NCAM2: variants seen among roughly 807,000 people sequenced by gnomAD.
NCAM2 encodes neural cell adhesion molecule 2.
Under a neutral mutation model 98.1 loss-of-function variants are expected in NCAM2, and 30 were observed. That is an observed-to-expected ratio of 0.31 (90% CI 0.23 to 0.41). The LOEUF (loss-of-function observed/expected upper bound fraction) is 0.41. Ranked by LOEUF, NCAM2 falls within the 10% of genes least tolerant of loss-of-function variation. NCAM2 has a pLI of 1.00. For missense variants in NCAM2, 867 were observed against 1,005.8 expected (o/e 0.86, Z 1.87); for synonymous variants, 368 against 342.4 (o/e 1.07, Z -0.83).
At chr21:21,262,227 C>A (rs1050532762) in intron 1 of NCAM2, among the ~76,000 whole-genome samples, 1 of 152,044 alleles carries the variant, frequency 6.6e-6, no homozygotes, top group African/African-American at 2.4e-5. Context: ...AATCCACCAA[C>A]CACAGGAAGC....
chr21:21,002,956 A>G (rs1483248271), intron 1 of NCAM2, among the ~76,000 whole-genome samples: 1 of 152,148 alleles, frequency 6.6e-6, no homozygotes, highest in African/African-American at 2.4e-5. Flanking sequence ...TTAAGATGCA[A>G]CCAGTGCTTT....
chr21:21,117,388 C>T (rs1485517482), intron 1 of NCAM2, among the ~76,000 whole-genome samples: 1 of 152,130 alleles, frequency 6.6e-6, no homozygotes, highest in Non-Finnish European at 1.5e-5. Flanking sequence ...CCAGCATTTC[C>T]ATCTCTTGGT....
chr21:21,328,065 A>C (rs529650093), intron 6 of NCAM2, among the ~76,000 whole-genome samples: 1 of 152,142 alleles, frequency 6.6e-6, no homozygotes, highest in African/African-American at 2.4e-5. Flanking sequence ...ACCCCACTTA[A>C]TCATGATACA....
intron 1 of NCAM2, among the ~76,000 whole-genome samples, chr21:21,026,458 A>C (rs1434219996): frequency 1.3e-5 from 2 of 151,988 alleles, no homozygotes; most frequent in East Asian, 3.9e-4. Flanking sequence ...CGGGAGTTCG[A>C]GACTAAAAAT....
chr21:21,218,690 A>G (rs963722417), intron 1 of NCAM2, among the ~76,000 whole-genome samples: 3 of 152,194 alleles, frequency 2.0e-5, no homozygotes, highest in African/African-American at 7.2e-5. Flanking sequence ...TGGAAAAGGC[A>G]ATAAGTGAAA....
intron 1 of NCAM2, among the ~76,000 whole-genome samples, chr21:21,065,650 C>T (rs1416309947): frequency 6.6e-6 from 1 of 152,060 alleles, no homozygotes; most frequent in Non-Finnish European, 1.5e-5. Flanking sequence ...AGTCCCAATT[C>T]ATTGAGGATG....
chr21:21,265,220 TTA>T (rs2072183342), intron 1 of NCAM2, among the ~76,000 whole-genome samples: 1 of 126,556 alleles, frequency 7.9e-6, no homozygotes, highest in South Asian at 2.4e-4. Flanking sequence ...ATATAGTATA[TTA>T]TATTATATAT....
At chr21:21,275,274 A>C (rs1487446768) in intron 1 of NCAM2, among the ~76,000 whole-genome samples, 1 of 151,660 alleles carries the variant, frequency 6.6e-6, no homozygotes, top group Non-Finnish European at 1.5e-5. Flanking sequence ...CCCCATCTCT[A>C]CTAAAAATAC....
chr21:21,066,464 C>A (rs887665777), intron 1 of NCAM2, among the ~76,000 whole-genome samples: 1 of 151,816 alleles, frequency 6.6e-6, no homozygotes, highest in African/African-American at 2.4e-5. Context: ...TAATTCAAAC[C>A]GTAATTGTTT....
intron 1 of NCAM2, among the ~76,000 whole-genome samples, chr21:21,097,217 G>T (rs1312692573): frequency 6.6e-6 from 1 of 151,754 alleles, no homozygotes; most frequent in East Asian, 1.9e-4. Flanking sequence ...CTATGAAGAA[G>T]TGAGGTGATT....
chr21:21,467,925 C>A (rs1434372687), intron 13 of NCAM2, among the ~76,000 whole-genome samples: 1 of 152,008 alleles, frequency 6.6e-6, no homozygotes, highest in East Asian at 1.9e-4. Context: ...GAAGAAATAA[C>A]AGGTCATGCC....
chr21:21,070,163 A>T (rs2065529938), intron 1 of NCAM2, among the ~76,000 whole-genome samples: 1 of 152,180 alleles, frequency 6.6e-6, no homozygotes, highest in Admixed American at 6.5e-5. Context: ...ATCAAGCTCC[A>T]GACATATTAC....
chr21:21,058,244 C>A (rs1340809349), intron 1 of NCAM2, among the ~76,000 whole-genome samples: 1 of 151,314 alleles, frequency 6.6e-6, no homozygotes, highest in Non-Finnish European at 1.5e-5. Flanking sequence ...CAGTTTGCTC[C>A]CACTTTCACT....
intron 1 of NCAM2, among the ~76,000 whole-genome samples, chr21:21,143,302 A>G (rs988717552): frequency 6.6e-6 from 1 of 152,016 alleles, no homozygotes; most frequent in African/African-American, 2.4e-5. Flanking sequence ...CAACGCATCT[A>G]TTTTTATAGG....
rs1985944078 is a variant in NCAM2 at position 21,482,127 on chromosome 21, A to G, written c.2077+4656A>G. On this transcript the variant is annotated intron_variant, in intron 15 of 17. Transcript: ENST00000400546. ...AAAAAAAAGTTATAAAATCGTGTCT[A>G]ATTTACTGTTACTGAATCCGGATTG... 7.2e-5 allele frequency among the ~76,000 whole-genome samples: 11 copies of G among 152,154 alleles called. No individual in the cohort carries two copies. In the South Asian group the frequency reaches 2.3e-3, roughly 32 times the overall value.
chr21:21,383,653 G>A (rs1015359157), intron 9 of NCAM2, among the ~76,000 whole-genome samples: 2 of 151,944 alleles, frequency 1.3e-5, no homozygotes, highest in African/African-American at 4.8e-5. Flanking sequence ...TAGTGAAGAT[G>A]TACTATCTTG....
intron 1 of NCAM2, 49 bp downstream of exon 1, chr21:20,998,667 C>T (rs1023554982): frequency 1.5e-5 from 24 of 1,566,312 alleles, no homozygotes; most frequent in Non-Finnish European, 2.0e-5. Context: ...CCCTTCCACC[C>T]GGCCAAGAGA....
At position 21,539,491 on chromosome 21, in the gene NCAM2, A is replaced by C. The variant is rs1380194770; in HGVS notation, c.*1534A>C. ...TCTGGGTGTGTCTCTCTGTAGAGAT[A>C]ACCTGATGATTATTAAATGTAAAAT... On this transcript the variant is annotated 3_prime_UTR_variant, in exon 18 of 18. Coordinates refer to ENST00000400546, the MANE Select transcript of NCAM2 (RefSeq NM_004540.5). 6.6e-6 allele frequency: 1 copy of C among 152,174 alleles called. No individual in the cohort carries two copies. Among genetic ancestry groups the C allele is most frequent in the Admixed American group, 6.6e-5 (1 of 15,258 alleles). 9.4% of individuals were successfully genotyped at this position (152,174 alleles called of 1,614,324 possible).
chr21:21,271,543 T>C (rs1209881021), intron 1 of NCAM2, among the ~76,000 whole-genome samples: 1 of 152,228 alleles, frequency 6.6e-6, no homozygotes, highest in African/African-American at 2.4e-5. Flanking sequence ...TATGTAATGC[T>C]TATCAAGCTA....
Sources: gnomAD v4.1 joint callset for allele counts (sites outside exome capture counted in the v4.1 genomes callset) on GRCh38, gnomAD v4.1.1 for gene constraint, MANE v1.5 for transcripts, NCBI Gene and HGNC (gene_info 2026-07-23, HGNC 2026-07-21) for gene names.